SV2C: variants seen among roughly 807,000 people sequenced by gnomAD.
The protein encoded by SV2C is solute carrier family 22 member B3.
In SV2C, 49 loss-of-function variants were observed where a neutral mutation model predicts 79.7. The observed-to-expected ratio is 0.61, with a 90% CI of 0.49 to 0.78. SV2C has a LOEUF of 0.78. SV2C is among the 30% of genes least tolerant of loss of function. The pLI is 0.00. For missense variants in SV2C, 833 were observed against 912.9 expected (o/e 0.91, Z 1.13); for synonymous variants, 334 against 333.2 (o/e 1.00, Z -0.03).
At chr5:76,271,347 G>A (rs972208835) in intron 4 of SV2C, among the ~76,000 whole-genome samples, 7 of 152,132 alleles carry the variant, frequency 4.6e-5, no homozygotes, top group African/African-American at 1.7e-4. Flanking sequence ...TTTCAGTAAC[G>A]TGATGGGCTA....
the SV2C span, among the ~76,000 whole-genome samples, chr5:76,048,547 C>CA: frequency 6.6e-6 from 1 of 151,922 alleles, no homozygotes; most frequent in Non-Finnish European, 1.5e-5. Flanking sequence ...GAAGGTGACA[C>CA]AAAAAATCAA....
chr5:75,886,680 A>G, the SV2C span, among the ~76,000 whole-genome samples: 1 of 152,116 alleles, frequency 6.6e-6, no homozygotes, highest in African/African-American at 2.4e-5. Context: ...CTTTTAACTC[A>G]GTAACAACTA....
In SV2C at chr5:76,158,010, AG is replaced by A. The variant is rs1742786785; in HGVS notation, c.580+25681del. Among the ~76,000 whole-genome samples, 3 of 151,812 alleles carry A rather than the reference AG, an allele frequency of 2.0e-5. No individual in the cohort carries two copies. The South Asian group carries it at 6.2e-4, about 31-fold the overall frequency. ...ATAAGATGTATCTGAGAAGGCCTAG[AG>A]CAACCACTAAGAAAATGATTTTTTA... On this transcript the variant is annotated intron_variant, in intron 2 of 12. Transcript: ENST00000502798.
chr5:76,150,122 G>A (rs1399993977), intron 2 of SV2C, among the ~76,000 whole-genome samples: 1 of 152,032 alleles, frequency 6.6e-6, no homozygotes, highest in African/African-American at 2.4e-5. Flanking sequence ...CCATAAACAT[G>A]CACACTCAAA....
the SV2C span, among the ~76,000 whole-genome samples, chr5:75,921,822 T>G: frequency 0.31 from 31,197 of 99,850 alleles, 3,244 homozygotes; most frequent in East Asian, 0.41. Context: ...TATAGCAGGG[T>G]TTTTTTTTTT....
chr5:76,083,595 C>CTGCAGCCTGGGGAAGTTTT (rs1747068217), intron 1 of SV2C, 83 bp downstream of exon 1: 2 of 152,292 alleles, frequency 1.3e-5, no homozygotes, highest in South Asian at 4.1e-4. Flanking sequence ...TGGCCGGGCG[C>CTGCAGCCTGGGGAAGTTTT]TGCAGCCTGG....
chr5:75,956,400 G>T, the SV2C span, among the ~76,000 whole-genome samples: 1 of 112,566 alleles, frequency 8.9e-6, no homozygotes, highest in South Asian at 3.7e-4. Flanking sequence ...CTGTTGTGGG[G>T]TGGGGGGAGG....
intron 4 of SV2C, among the ~76,000 whole-genome samples, chr5:76,245,411 G>A (rs1168572666): frequency 6.6e-6 from 1 of 152,100 alleles, no homozygotes; most frequent in Non-Finnish European, 1.5e-5. Flanking sequence ...GTCACCAGTG[G>A]CAAATGATTC....
intron 4 of SV2C, among the ~76,000 whole-genome samples, chr5:76,260,480 C>A (rs1055531119): frequency 2.6e-5 from 4 of 152,120 alleles, no homozygotes; most frequent in Admixed American, 6.5e-5. Context: ...GCTTTTGTTG[C>A]AATTGCTTTT....
Position 76,173,769 on chromosome 5 carries a change from T to C in SV2C, c.581-21150T>C, listed in dbSNP as rs189837886. ...GAAGATTCTAAGAATGCACAGTTGT[T>C]CCATTGTCTTGCTAGATTTTGACCT... On this transcript the variant is annotated intron_variant, in intron 2 of 12. Coordinates refer to ENST00000502798, the MANE Select transcript of SV2C (RefSeq NM_014979.4). 48 of 1,610,382 alleles carry C rather than the reference T, an allele frequency of 3.0e-5. No individual in the cohort carries two copies. In the African/African-American group the frequency reaches 5.6e-4, roughly 19 times the overall value.
chr5:76,301,472 T>C lies in SV2C; in HGVS notation c.1927T>C (p.Tyr643His). 6.2e-7 allele frequency: 1 copy of C among 1,614,082 alleles called. No homozygotes were observed. Among genetic ancestry groups the C allele is most frequent in the Non-Finnish European group, 8.5e-7 (1 of 1,179,996 alleles). ...CATGATGATAGGCATGCTGTGTCTG[T>C]ACAATGGATTGACCATCTCAGCCTG... ...ESMMIGMLCL[Y>H]NGLTISAWNS... Residue 643 changes from tyrosine to histidine, a missense_variant, in exon 12 of 13, where the codon TAC becomes CAC. Physicochemically the swap from Tyr to His is moderately conservative, Grantham distance 83. Coordinates refer to ENST00000502798, the MANE Select transcript of SV2C (RefSeq NM_014979.4).
chr5:75,850,431 C>G, the SV2C span, among the ~76,000 whole-genome samples: 1 of 151,800 alleles, frequency 6.6e-6, no homozygotes, highest in Non-Finnish European at 1.5e-5. Context: ...CTTTGAAACT[C>G]TAGCTTCTTA....
chr5:76,179,308 T>A (rs183725876), intron 2 of SV2C, among the ~76,000 whole-genome samples: 23 of 152,310 alleles, frequency 1.5e-4, no homozygotes, highest in African/African-American at 5.5e-4. Context: ...ATTTAGGGAT[T>A]CTAGGATACA....
chr5:76,199,527 A>T lies in SV2C; in HGVS notation c.761+4428A>T, dbSNP rs72773760. ...GTCTCCTTGGCAGCACTTACAACTG[A>T]TGCCTGAAAATATTTACTTCTTATG... On this transcript the variant is annotated intron_variant, in intron 3 of 12. Coordinates refer to ENST00000502798, the MANE Select transcript of SV2C (RefSeq NM_014979.4). Among the ~76,000 whole-genome samples the T allele has an allele frequency of 8.7e-3, 1,325 of 152,288 alleles. 13 individuals carry two copies. Among genetic ancestry groups the T allele is most frequent in the Admixed American group, 0.02 (309 of 15,292 alleles).
chr5:75,975,261 A>G, the SV2C span, among the ~76,000 whole-genome samples: 1 of 152,260 alleles, frequency 6.6e-6, no homozygotes, highest in East Asian at 1.9e-4. Flanking sequence ...GTGAAGCCCT[A>G]TTTGTATGTA....
chr5:75,880,977 A>G, the SV2C span, among the ~76,000 whole-genome samples: 2 of 152,154 alleles, frequency 1.3e-5, no homozygotes, highest in African/African-American at 4.8e-5. Context: ...TTCATGGCAG[A>G]AGGTGAAGGG....
chr5:75,944,836 C>G, the SV2C span, among the ~76,000 whole-genome samples: 2 of 152,088 alleles, frequency 1.3e-5, no homozygotes, highest in African/African-American at 4.8e-5. Flanking sequence ...TGACCCAGGG[C>G]CAGCCCCAGC....
At chr5:75,921,688 G>T in the SV2C span, 1 of 579,052 alleles carries the variant, frequency 1.7e-6, no homozygotes, top group East Asian at 4.2e-5. Flanking sequence ...AAACAGCAAT[G>T]GATATACCCA....
the SV2C span, among the ~76,000 whole-genome samples, chr5:75,862,181 T>C: frequency 3.3e-3 from 506 of 152,354 alleles, 1 homozygote; most frequent in African/African-American, 0.012. Flanking sequence ...TTGAGACTCC[T>C]TCCTCTGACA....
Sources: allele counts gnomAD v4.1 joint callset (sites outside exome capture counted in the v4.1 genomes callset), GRCh38; gene constraint gnomAD v4.1.1; transcripts MANE v1.5; gene names NCBI Gene and HGNC (gene_info 2026-07-23, HGNC 2026-07-21).